The following HS3ST4 variants were observed in gnomAD, a reference collection of about 807,000 sequenced individuals.
HS3ST4 encodes the protein heparan sulfate glucosamine 3-O-sulfotransferase 4.
Under a neutral mutation model 29.2 loss-of-function variants are expected in HS3ST4, and 17 were observed. That is an observed-to-expected ratio of 0.58 (90% CI 0.40 to 0.87). HS3ST4 has a LOEUF of 0.87. HS3ST4 is among the 40% of genes least tolerant of loss of function. The pLI is 0.00. For missense variants in HS3ST4, 627 were observed against 634.5 expected (o/e 0.99, Z 0.13); for synonymous variants, 314 against 285.7 (o/e 1.10, Z -1.00).
intron 1 of HS3ST4, among the ~76,000 whole-genome samples, chr16:25,865,280 G>T (rs796808582): frequency 2.0e-4 from 30 of 152,200 alleles, no homozygotes; most frequent in African/African-American, 7.0e-4. Flanking sequence ...AATGCACAGG[G>T]TTCCCTTTTC....
intron 1 of HS3ST4, among the ~76,000 whole-genome samples, chr16:26,109,578 A>G (rs922873975): frequency 6.6e-6 from 1 of 151,112 alleles, no homozygotes; most frequent in Non-Finnish European, 1.5e-5. Context: ...AGGCATGTCC[A>G]TCACCCCACA....
intron 1 of HS3ST4, among the ~76,000 whole-genome samples, chr16:25,930,318 C>G (rs1318945928): frequency 1.3e-5 from 2 of 152,326 alleles, no homozygotes; most frequent in Non-Finnish European, 2.9e-5. Context: ...TCTCAGACCT[C>G]TCTAGGCCAG....
At chr16:26,057,788 G>A (rs1898427394) in intron 1 of HS3ST4, among the ~76,000 whole-genome samples, 1 of 150,192 alleles carries the variant, frequency 6.7e-6, no homozygotes, top group Non-Finnish European at 1.5e-5. Context: ...TTCTTGCCAA[G>A]CATTCCTTTT....
At chr16:25,790,342 G>A (rs1042722502) in intron 1 of HS3ST4, among the ~76,000 whole-genome samples, 1 of 152,154 alleles carries the variant, frequency 6.6e-6, no homozygotes, top group Non-Finnish European at 1.5e-5. Context: ...CCAGGAGGTG[G>A]AGGTTGCAGT....
intron 1 of HS3ST4, among the ~76,000 whole-genome samples, chr16:25,941,654 G>T (rs1968573381): frequency 6.6e-6 from 1 of 152,044 alleles, no homozygotes; most frequent in African/African-American, 2.4e-5. Flanking sequence ...TCGGCTCACT[G>T]CAAGCTCTGC....
chr16:25,753,369 T>C (rs1380243227), intron 1 of HS3ST4, among the ~76,000 whole-genome samples: 5 of 152,224 alleles, frequency 3.3e-5, no homozygotes, highest in African/African-American at 1.2e-4. Flanking sequence ...TGTGTTGATA[T>C]CTTTCTTTCA....
At chr16:25,849,183 G>C (rs573459312) in intron 1 of HS3ST4, among the ~76,000 whole-genome samples, 1 of 152,084 alleles carries the variant, frequency 6.6e-6, no homozygotes, top group South Asian at 2.1e-4. Context: ...GAAATTTATT[G>C]AGATTCTGTT....
intron 1 of HS3ST4, among the ~76,000 whole-genome samples, chr16:26,130,580 T>C (rs1899404107): frequency 6.6e-6 from 1 of 152,168 alleles, no homozygotes; most frequent in Non-Finnish European, 1.5e-5. Flanking sequence ...GAACAAATCA[T>C]ATTATGACAT....
At chr16:26,070,503 A>G (rs1052577543) in intron 1 of HS3ST4, among the ~76,000 whole-genome samples, 28 of 152,206 alleles carry the variant, frequency 1.8e-4, no homozygotes, top group African/African-American at 5.8e-4. Context: ...GCCAACCCAC[A>G]GACTCATAAG....
At chr16:25,912,070 A>G (rs1023918074) in intron 1 of HS3ST4, among the ~76,000 whole-genome samples, 2 of 152,182 alleles carry the variant, frequency 1.3e-5, no homozygotes, top group African/African-American at 2.4e-5. Flanking sequence ...TCTCAAGTCC[A>G]TCTGGAAAAG....
At chr16:25,941,157 TG>T (rs760455950) in intron 1 of HS3ST4, among the ~76,000 whole-genome samples, 4 of 152,150 alleles carry the variant, frequency 2.6e-5, no homozygotes, top group Admixed American at 6.5e-5. Flanking sequence ...TGTTTTGTTT[TG>T]TTTTTTTGTT....
rs115239950 is a variant in HS3ST4, at chr16:25,774,258, G to A, written c.734+81107G>A. Among the ~76,000 whole-genome samples the A allele has an allele frequency of 2.0e-3, 301 of 152,314 alleles. 1 individual carries two copies. Among genetic ancestry groups the A allele is most frequent in the African/African-American group, 6.8e-3 (282 of 41,582 alleles). On this transcript the variant is annotated intron_variant, in intron 1 of 1. Transcript: ENST00000331351. ...CAGTGAGAGTGCTTTGGATGGTTTC[G>A]CAGTTTGGGATTTAGCAAACATTGA...
At chr16:26,043,649 G>A (rs1047535449) in intron 1 of HS3ST4, among the ~76,000 whole-genome samples, 7 of 152,200 alleles carry the variant, frequency 4.6e-5, no homozygotes, top group Non-Finnish European at 1.0e-4. Context: ...AAGGAAAAGA[G>A]ATCATTATTA....
chr16:26,060,309 C>T (rs1427000542), intron 1 of HS3ST4, among the ~76,000 whole-genome samples: 9 of 152,138 alleles, frequency 5.9e-5, no homozygotes, highest in African/African-American at 1.2e-4. Context: ...GGGGTGTCCA[C>T]GGCTGGTAAG....
In HS3ST4 at chr16:25,887,691, ATT is replaced by A. The variant is rs768447504; in HGVS notation, c.734+194563_734+194564del. ...GCATCCCTAGCGCCCGCTACACCTG[ATT>A]TTTTTTTTTTTTTTTTTTTTTTGAG... is the stretch of plus-strand genomic sequence containing the variant. On this transcript the variant is annotated intron_variant, in intron 1 of 1. Coordinates refer to ENST00000331351, the MANE Select transcript of HS3ST4 (RefSeq NM_006040.3). Among the ~76,000 whole-genome samples the A allele has an allele frequency of 4.0e-3, 363 of 91,482 alleles. 1 individual carries two copies. The highest frequency in any genetic ancestry group is 0.016 in the African/African-American group (339 of 20,856). The allele number at this position is 91,482 out of a possible 152,430, so 60.0% of individuals were successfully genotyped here.
intron 1 of HS3ST4, among the ~76,000 whole-genome samples, chr16:26,011,285 C>T (rs746048660): frequency 5.3e-5 from 8 of 152,196 alleles, no homozygotes; most frequent in South Asian, 4.1e-4. Context: ...TTTGGCCAGG[C>T]GTGGTGGCTC....
At chr16:26,135,348 A>G (rs148584915) in intron 1 of HS3ST4, among the ~76,000 whole-genome samples, 1 of 152,314 alleles carries the variant, frequency 6.6e-6, no homozygotes, top group Non-Finnish European at 1.5e-5. Context: ...TAGGTTAAAC[A>G]TAACTGGTAA....
chr16:25,748,213 A>G (rs1966696678), intron 1 of HS3ST4, among the ~76,000 whole-genome samples: 1 of 152,154 alleles, frequency 6.6e-6, no homozygotes, highest in African/African-American at 2.4e-5. Flanking sequence ...CACATATGGC[A>G]TAAGTATTTC....
intron 1 of HS3ST4, among the ~76,000 whole-genome samples, chr16:25,943,847 G>A (rs1412500997): frequency 6.6e-6 from 1 of 152,068 alleles, no homozygotes; most frequent in African/African-American, 2.4e-5. Context: ...GACCTATGAT[G>A]GTTTCTGCTT....
Sources: allele counts gnomAD v4.1 joint callset (sites outside exome capture counted in the v4.1 genomes callset), GRCh38; gene constraint gnomAD v4.1.1; transcripts MANE v1.5; gene names NCBI Gene and HGNC (gene_info 2026-07-23, HGNC 2026-07-21).